ERBB4: variants seen among roughly 807,000 people sequenced by gnomAD.
ERBB4 encodes erb-b2 receptor tyrosine kinase 4, also known as receptor tyrosine-protein kinase erbB-4.
In ERBB4, 42 loss-of-function variants were observed where a neutral mutation model predicts 158.0. The ratio of observed to expected loss-of-function variants is 0.27; its 90% CI spans 0.21 to 0.34. ERBB4 has a LOEUF of 0.34. ERBB4 is among the 10% of genes least tolerant of loss of function. The pLI, the probability that ERBB4 is intolerant of heterozygous loss-of-function variation, is 1.00. For missense variants in ERBB4, 1,333 were observed against 1,624.1 expected (o/e 0.82, Z 3.08); for synonymous variants, 583 against 558.7 (o/e 1.04, Z -0.61).
intron 2 of ERBB4, among the ~76,000 whole-genome samples, chr2:212,049,568 C>G (rs2077345765): frequency 6.6e-6 from 1 of 152,124 alleles, no homozygotes; most frequent in South Asian, 2.1e-4. Flanking sequence ...TTAAGCTATC[C>G]TTTTTGTTTT....
chr2:212,191,818 T>C (rs115212423), intron 1 of ERBB4, among the ~76,000 whole-genome samples: 8,601 of 135,038 alleles, frequency 0.064, 455 homozygotes, highest in South Asian at 0.16. Flanking sequence ...ATACATGTTA[T>C]ATATGTTCTA....
chr2:211,401,806 ATAGAT>A (rs1341555419), intron 25 of ERBB4, among the ~76,000 whole-genome samples: 1 of 152,036 alleles, frequency 6.6e-6, no homozygotes, highest in African/African-American at 2.4e-5. Flanking sequence ...GAAAAATAAA[ATAGAT>A]TAAACTTTTT....
At chr2:212,322,649 C>T (rs1393303177) in intron 1 of ERBB4, among the ~76,000 whole-genome samples, 1 of 150,094 alleles carries the variant, frequency 6.7e-6, no homozygotes, top group African/African-American at 2.4e-5. Flanking sequence ...ATTACCCTGG[C>T]CACATGCTCA....
intron 3 of ERBB4, among the ~76,000 whole-genome samples, chr2:211,796,196 T>A (rs1366599249): frequency 2.6e-5 from 4 of 151,934 alleles, no homozygotes; most frequent in Non-Finnish European, 2.9e-5. Context: ...TGATCCTGAC[T>A]TTGAGCAAGA....
intron 19 of ERBB4, among the ~76,000 whole-genome samples, chr2:211,582,421 G>A (rs1208636677): frequency 6.6e-6 from 1 of 152,118 alleles, no homozygotes; most frequent in Non-Finnish European, 1.5e-5. Context: ...GGATGGCCGT[G>A]ATCTAAGTCT....
Position 211,378,119 on chromosome 2 carries a change from C to T in ERBB4, c.*5496G>A. Reference sequence around the variant, plus strand: ...TGGTAGAAAGGGAAGAGAGCAGTGCCAGTTGTGTCAATGGGCAAAAAAGGG... The same window carrying T: ...TGGTAGAAAGGGAAGAGAGCAGTGCTAGTTGTGTCAATGGGCAAAAAAGGG... On this transcript the variant is annotated 3_prime_UTR_variant, in exon 28 of 28. Coordinates refer to ENST00000342788, the MANE Select transcript of ERBB4 (RefSeq NM_005235.3). The T allele has an allele frequency of 4.3e-6, 1 of 233,090 alleles. No homozygotes were observed. 14.4% of individuals were successfully genotyped at this position (233,090 alleles called of 1,614,324 possible).
At chr2:211,769,072 T>C (rs6733070) in intron 4 of ERBB4, among the ~76,000 whole-genome samples, 21,736 of 152,218 alleles carry the variant, frequency 0.14, 1,755 homozygotes, top group South Asian at 0.33. Flanking sequence ...TGCTTTGCTG[T>C]TTAGAAATTT....
At chr2:211,503,088 T>C (rs1472323173) in intron 20 of ERBB4, among the ~76,000 whole-genome samples, 2 of 152,034 alleles carry the variant, frequency 1.3e-5, no homozygotes, top group Non-Finnish European at 1.5e-5. Flanking sequence ...ATGAAGAAAC[T>C]CTGGGACACC....
At chr2:212,187,460 T>C (rs1017170586) in intron 1 of ERBB4, among the ~76,000 whole-genome samples, 14 of 150,448 alleles carry the variant, frequency 9.3e-5, no homozygotes, top group African/African-American at 3.4e-4. Flanking sequence ...AAGATGTTAA[T>C]CTTCCATTAT....
At chr2:212,180,152 G>A (rs1022280910) in intron 1 of ERBB4, among the ~76,000 whole-genome samples, 2 of 151,822 alleles carry the variant, frequency 1.3e-5, no homozygotes, top group Non-Finnish European at 3.0e-5. Context: ...GTACCAAAAT[G>A]TAACATCTGC....
chr2:211,731,807 G>A (rs1043223597), intron 5 of ERBB4, among the ~76,000 whole-genome samples: 1 of 152,128 alleles, frequency 6.6e-6, no homozygotes, highest in Non-Finnish European at 1.5e-5. Context: ...TACTTACAGA[G>A]CATGTGTAAA....
In ERBB4 at chr2:212,113,464, C is replaced by T. The variant is rs930284604; in HGVS notation, c.234+11288G>A. ...TGGTGGATGCCTGCAGTCCCAGCTA[C>T]TTGGGAGGCTGAGGCAGGAGAATGG... On this transcript the variant is annotated intron_variant, in intron 2 of 27. Transcript: ENST00000342788. Among the ~76,000 whole-genome samples, 5 of 149,704 alleles carry T rather than the reference C, an allele frequency of 3.3e-5. No homozygotes were observed. In the East Asian group the frequency reaches 8.0e-4, roughly 24 times the overall value.
At chr2:211,846,219 T>G (rs1233163111) in intron 3 of ERBB4, among the ~76,000 whole-genome samples, 1 of 152,164 alleles carries the variant, frequency 6.6e-6, no homozygotes, top group African/African-American at 2.4e-5. Flanking sequence ...AATATTCAGA[T>G]GCTTTAGCAG....
At chr2:212,268,421 C>T (rs1255479326) in intron 1 of ERBB4, among the ~76,000 whole-genome samples, 6 of 151,808 alleles carry the variant, frequency 4.0e-5, no homozygotes, top group East Asian at 1.9e-4. Context: ...TGCTAACATG[C>T]TTTGGGACAC....
chr2:212,254,342 C>T (rs548721747), intron 1 of ERBB4, among the ~76,000 whole-genome samples: 1 of 152,120 alleles, frequency 6.6e-6, no homozygotes, highest in Non-Finnish European at 1.5e-5. Context: ...AGTTAAAATG[C>T]GGACAGCTAT....
At chr2:211,839,365 TA>T (rs57264718) in intron 3 of ERBB4, among the ~76,000 whole-genome samples, 32,879 of 151,252 alleles carry the variant, frequency 0.22, 3,720 homozygotes, top group South Asian at 0.33. Context: ...CAAGATATAA[TA>T]AAAAAAAATA....
chr2:211,482,893 G>A lies in ERBB4; in HGVS notation c.2488-51793C>T, dbSNP rs961705501. ...GCACTCCAGCTTGGGCAACAAGAGT[G>A]AAACTGTCTCAAAAAATAAATAAAT... On this transcript the variant is annotated intron_variant, in intron 20 of 27. Coordinates refer to ENST00000342788, the MANE Select transcript of ERBB4 (RefSeq NM_005235.3). Among the ~76,000 whole-genome samples the A allele has an allele frequency of 2.0e-5, 3 of 151,972 alleles. No homozygotes were observed. In the East Asian group the frequency reaches 5.8e-4, roughly 29 times the overall value.
rs1446120229 is a variant in ERBB4, at chr2:212,221,252, CAT to C, written c.83-96351_83-96350del. On this transcript the variant is annotated intron_variant, in intron 1 of 27. Coordinates refer to ENST00000342788, the MANE Select transcript of ERBB4 (RefSeq NM_005235.3). ...AGCTGCTAGAATCAATATGAATGAT[CAT>C]ATGCTCAAGAGACTCATGTAATTAC... 4.0e-5 allele frequency among the ~76,000 whole-genome samples: 6 copies of C among 151,544 alleles called. 1 individual carries two copies. In the Admixed American group the frequency reaches 4.0e-4, roughly 10 times the overall value.
intron 1 of ERBB4, among the ~76,000 whole-genome samples, chr2:212,388,255 A>G (rs1004210058): frequency 1.3e-5 from 2 of 152,172 alleles, no homozygotes; most frequent in Non-Finnish European, 2.9e-5. Context: ...TTAACTCAGA[A>G]GTACTAATAG....
Sources: allele counts gnomAD v4.1 joint callset (sites outside exome capture counted in the v4.1 genomes callset), GRCh38; gene constraint gnomAD v4.1.1; transcripts MANE v1.5; gene names NCBI Gene and HGNC (gene_info 2026-07-23, HGNC 2026-07-21).